The following URI1 variants were observed in gnomAD, a reference collection of about 807,000 sequenced individuals.
URI1 encodes URI1 prefoldin like chaperone.
In URI1, 39 loss-of-function variants were observed where a neutral mutation model predicts 60.2. The ratio of observed to expected loss-of-function variants is 0.65; its 90% CI spans 0.50 to 0.85. The LOEUF (loss-of-function observed/expected upper bound fraction) is 0.85, where lower values mean the gene tolerates loss of function less well. Among genes scored for constraint, URI1 ranks in the 40% least tolerant of loss-of-function variants. URI1 has a pLI of 0.00. For synonymous variants in URI1, 251 were observed against 236.8 expected, an observed-to-expected ratio of 1.06 and a Z score of -0.55; for missense variants, 691 against 665.9, an observed-to-expected ratio of 1.04 and a Z score of -0.42.
chr19:29,942,810 T>C, intron 1 of URI1, 146 bp downstream of exon 1: 2 of 1,074,566 alleles, frequency 1.9e-6, no homozygotes, highest in Non-Finnish European at 2.4e-6. Flanking sequence ...GCTTCTGTTG[T>C]CTTTGTCTGC....
In URI1 at chr19:29,936,607, A is replaced by T. The variant is rs545345735; in HGVS notation, c.63+12853A>T. On this transcript the variant is annotated intron_variant, in intron 1 of 10. Transcript: ENST00000360605. ...TTGGACGTGTATGTTCATATCCTTC[A>T]TCAAATTTGGGAAGTTTTCAGCCAT... is the stretch of plus-strand genomic sequence containing the variant. 6.6e-5 allele frequency among the ~76,000 whole-genome samples: 10 copies of T among 152,086 alleles called. No homozygotes were observed. In the South Asian group the frequency reaches 2.1e-3, roughly 32 times the overall value.
chr19:29,971,090 A>G (rs2047505478), intron 1 of URI1, 103 bp from the exon 2 acceptor site: 6 of 1,108,610 alleles, frequency 5.4e-6, no homozygotes, highest in Admixed American at 1.9e-5. Flanking sequence ...CTGAGATGCT[A>G]TTAAATCTGT....
intron 2 of URI1, among the ~76,000 whole-genome samples, chr19:29,981,574 C>T (rs926022159): frequency 6.6e-6 from 1 of 151,906 alleles, no homozygotes; most frequent in Non-Finnish European, 1.5e-5. Flanking sequence ...GTTAAAGTTT[C>T]TTACATGCCT....
chr19:29,976,098 C>A (rs1024607997), intron 2 of URI1, among the ~76,000 whole-genome samples: 4 of 151,168 alleles, frequency 2.6e-5, no homozygotes, highest in Non-Finnish European at 5.9e-5. Context: ...CTAAATGAGA[C>A]CTGGAACTAT....
chr19:29,952,991 T>A (rs2055198479), intron 1 of URI1, among the ~76,000 whole-genome samples: 1 of 152,208 alleles, frequency 6.6e-6, no homozygotes, highest in Non-Finnish European at 1.5e-5. Context: ...CTATGTTTCC[T>A]TCTAGGGATT....
At chr19:29,939,157 A>G (rs1442758236), upstream of URI1, among the ~76,000 whole-genome samples, 2 of 150,350 alleles carry the variant, frequency 1.3e-5, no homozygotes, top group African/African-American at 4.9e-5. Context: ...TTGTATTTTT[A>G]GTAGAGGTGG....
intron 4 of URI1, among the ~76,000 whole-genome samples, chr19:29,989,296 A>T (rs1201377425): frequency 6.6e-6 from 1 of 151,926 alleles, no homozygotes; most frequent in Non-Finnish European, 1.5e-5. Context: ...TACTTTTAGT[A>T]GAGATGGGGT....
At chr19:29,962,866 A>T (rs117319828) in intron 1 of URI1, among the ~76,000 whole-genome samples, 1 of 151,826 alleles carries the variant, frequency 6.6e-6, no homozygotes, top group Non-Finnish European at 1.5e-5. Flanking sequence ...TGGAGGATCT[A>T]TTTGCTGTGT....
intron 1 of URI1, among the ~76,000 whole-genome samples, chr19:29,948,860 T>C (rs2055134971): frequency 6.6e-6 from 1 of 152,218 alleles, no homozygotes; most frequent in African/African-American, 2.4e-5. Context: ...TGGGTACACC[T>C]GCCACACGGG....
At chr19:29,964,318 C>CT (rs979340596) in intron 1 of URI1, among the ~76,000 whole-genome samples, 1 of 151,994 alleles carries the variant, frequency 6.6e-6, no homozygotes, top group East Asian at 1.9e-4. Context: ...GAGTTACAAG[C>CT]TTTTTTTGTC....
intron 2 of URI1, among the ~76,000 whole-genome samples, chr19:29,971,489 A>G (rs1426903406): frequency 2.6e-5 from 4 of 151,966 alleles, no homozygotes; most frequent in Non-Finnish European, 4.4e-5. Context: ...AATAATATTA[A>G]TATCATTATG....
intron 1 of URI1, among the ~76,000 whole-genome samples, chr19:29,959,737 G>A (rs2055298263): frequency 6.6e-6 from 1 of 151,732 alleles, no homozygotes; most frequent in East Asian, 1.9e-4. Flanking sequence ...TAATTTGTGG[G>A]TTTTTTCCTC....
chr19:29,995,068 C>T (rs932909213), intron 4 of URI1, among the ~76,000 whole-genome samples: 4 of 152,222 alleles, frequency 2.6e-5, no homozygotes, highest in Admixed American at 2.0e-4. Context: ...AGGTGTGAGC[C>T]ACCACGCCCG....
chr19:29,977,618 T>C (rs1599694009), intron 2 of URI1, among the ~76,000 whole-genome samples: 1 of 147,456 alleles, frequency 6.8e-6, no homozygotes, highest in East Asian at 2.0e-4. Flanking sequence ...TTTCTGGAAA[T>C]TTTGCATGTT....
intron 6 of URI1, 98 bp downstream of exon 6, chr19:30,005,806 A>T: frequency 9.0e-7 from 1 of 1,107,652 alleles, no homozygotes; most frequent in Non-Finnish European, 1.3e-6. Context: ...TTTAGAATAC[A>T]CTTTTAAATT....
intron 2 of URI1, chr19:29,983,346 T>C (rs1443538618): frequency 6.6e-6 from 1 of 152,204 alleles, no homozygotes; most frequent in Non-Finnish European, 1.5e-5. Context: ...AAGTGACATT[T>C]ATTATAGGTT....
At chr19:29,968,119 A>ATT in intron 1 of URI1, among the ~76,000 whole-genome samples, 1 of 152,348 alleles carries the variant, frequency 6.6e-6, no homozygotes, top group African/African-American at 2.4e-5. Flanking sequence ...TACATACTTT[A>ATT]TTATAAATTC....
rs2056030886 is a variant in URI1 at position 30,012,297 on chromosome 19, T to C, written c.1191T>C (p.Asp397=). 1 of 1,613,000 alleles carries C rather than the reference T, an allele frequency of 6.2e-7. No individual in the cohort carries two copies. The highest frequency in any genetic ancestry group is 1.3e-5 in the African/African-American group (1 of 74,910). Reference sequence around the variant, plus strand: ...TTGAATATCACAGAGCCTTTGTTGATGTTGTGAATGGAGAATATGTCCCTC... The same window carrying C: ...TTGAATATCACAGAGCCTTTGTTGACGTTGTGAATGGAGAATATGTCCCTC... The part of the protein sequence containing the change: ...TPADIYRAFV[D]VVNGEYVPRK... Residue 397 remains aspartate, a synonymous_variant, in exon 10 of 11, where the codon GAT becomes GAC. Transcript: ENST00000392271.
chr19:29,978,812 T>A (rs2018532317), intron 2 of URI1, among the ~76,000 whole-genome samples: 1 of 152,228 alleles, frequency 6.6e-6, no homozygotes, highest in African/African-American at 2.4e-5. Context: ...ACATTTTTCT[T>A]TTATTTTTAA....
Sources: allele counts gnomAD v4.1 joint callset (sites outside exome capture counted in the v4.1 genomes callset), GRCh38; gene constraint gnomAD v4.1.1; transcripts MANE v1.5; gene names NCBI Gene and HGNC (gene_info 2026-07-23, HGNC 2026-07-21).